The following CXCL13 variants were observed in gnomAD, a reference collection of about 807,000 sequenced individuals.
CXCL13 encodes C-X-C motif chemokine ligand 13.
A neutral mutation model predicts 12.2 loss-of-function variants in CXCL13; 7 were observed. That is an observed-to-expected ratio of 0.57 (90% CI 0.33 to 1.07). CXCL13 has a LOEUF of 1.07. Among genes scored for constraint, CXCL13 ranks in the 50% least tolerant of loss-of-function variants. The pLI, the probability that CXCL13 is intolerant of heterozygous loss-of-function variation, is 0.04. For missense variants in CXCL13, 113 were observed against 127.4 expected, an observed-to-expected ratio of 0.89 and a Z score of 0.55; for synonymous variants, 47 against 42.4, an observed-to-expected ratio of 1.11 and a Z score of -0.42.
intron 1 of CXCL13, among the ~76,000 whole-genome samples, chr4:77,545,140 G>A (rs1725322422): frequency 6.6e-6 from 1 of 152,092 alleles, no homozygotes; most frequent in South Asian, 2.1e-4. Context: ...TGCTGTTTTG[G>A]TTACTGTAGC....
At chr4:77,575,367 T>C (rs1284864510) in intron 1 of CXCL13, among the ~76,000 whole-genome samples, 1 of 151,864 alleles carries the variant, frequency 6.6e-6, no homozygotes, top group Non-Finnish European at 1.5e-5. Context: ...GCTACATAGG[T>C]ATCTATCCCA....
At chr4:77,534,557 T>C (rs1159580442) in intron 1 of CXCL13, among the ~76,000 whole-genome samples, 4 of 152,270 alleles carry the variant, frequency 2.6e-5, no homozygotes, top group Non-Finnish European at 5.9e-5. Flanking sequence ...ATGAGATCTC[T>C]TAATACTTTC....
At chr4:77,577,722 G>GA (rs756645715) in intron 1 of CXCL13, among the ~76,000 whole-genome samples, 1 of 152,240 alleles carries the variant, frequency 6.6e-6, no homozygotes, top group Non-Finnish European at 1.5e-5. Flanking sequence ...GGGACTCAGG[G>GA]ATATAAGAAC....
At chr4:77,527,661 A>G (rs1226946597) in intron 1 of CXCL13, among the ~76,000 whole-genome samples, 1 of 151,946 alleles carries the variant, frequency 6.6e-6, no homozygotes, top group African/African-American at 2.4e-5. Flanking sequence ...AAAGAAAAGA[A>G]ATGATAGACA....
At chr4:77,537,485 A>G (rs924695441) in intron 1 of CXCL13, among the ~76,000 whole-genome samples, 6 of 152,250 alleles carry the variant, frequency 3.9e-5, no homozygotes, top group Non-Finnish European at 7.3e-5. Flanking sequence ...CAGGGTACAG[A>G]GCAAAGCAGA....
chr4:77,513,550 C>T (rs1414712410), intron 1 of CXCL13, among the ~76,000 whole-genome samples: 1 of 151,954 alleles, frequency 6.6e-6, no homozygotes, highest in African/African-American at 2.4e-5. Flanking sequence ...CTCCTGGGTT[C>T]ACAGGATTCT....
At chr4:77,517,447 T>G (rs1237189797) in intron 1 of CXCL13, among the ~76,000 whole-genome samples, 1 of 152,162 alleles carries the variant, frequency 6.6e-6, no homozygotes, top group African/African-American at 2.4e-5. Context: ...AGTCTAAGTC[T>G]CTTTGTAGGT....
chr4:77,537,265 C>T (rs1725082015), intron 1 of CXCL13, among the ~76,000 whole-genome samples: 1 of 152,154 alleles, frequency 6.6e-6, no homozygotes, highest in Admixed American at 6.5e-5. Context: ...ATTGGCTAAA[C>T]CTGGAGGGAA....
intron 1 of CXCL13, among the ~76,000 whole-genome samples, chr4:77,544,987 C>T (rs1314077634): frequency 6.6e-6 from 1 of 152,110 alleles, no homozygotes; most frequent in Non-Finnish European, 1.5e-5. Flanking sequence ...TTTCCAGCAC[C>T]ATTTATTAAA....
chr4:77,610,554 TA>T, intron 2 of CXCL13, 59 bp from the exon 3 acceptor site: 3 of 1,277,450 alleles, frequency 2.3e-6, no homozygotes, highest in Non-Finnish European at 3.4e-6. Flanking sequence ...TTTTCTTTAT[TA>T]AAAGTATAGG....
chr4:77,604,392 C>T (rs1726955763), upstream of CXCL13, among the ~76,000 whole-genome samples: 1 of 152,156 alleles, frequency 6.6e-6, no homozygotes, highest in South Asian at 2.1e-4. Flanking sequence ...TTCTTTTACT[C>T]CAATGTCCAT....
At chr4:77,584,569 A>C (rs1407894169) in intron 1 of CXCL13, among the ~76,000 whole-genome samples, 5 of 152,250 alleles carry the variant, frequency 3.3e-5, no homozygotes, top group Non-Finnish European at 7.3e-5. Flanking sequence ...TCCTTAGAAG[A>C]GACATTTTTA....
At chr4:77,549,326 C>T (rs1367159889) in intron 1 of CXCL13, among the ~76,000 whole-genome samples, 16 of 152,172 alleles carry the variant, frequency 1.1e-4, no homozygotes, top group Admixed American at 9.2e-4. Flanking sequence ...TCTTCTGAAG[C>T]CTAGTTCTGT....
chr4:77,519,173 C>T (rs1038354380), intron 1 of CXCL13, among the ~76,000 whole-genome samples: 1 of 152,188 alleles, frequency 6.6e-6, no homozygotes, highest in Admixed American at 6.5e-5. Flanking sequence ...AGAGGAGTAC[C>T]TGGCCATGTG....
At chr4:77,549,525 G>A (rs1470325877) in intron 1 of CXCL13, among the ~76,000 whole-genome samples, 2 of 152,144 alleles carry the variant, frequency 1.3e-5, no homozygotes, top group African/African-American at 2.4e-5. Context: ...GTTTTGGTGT[G>A]GATGTTCTTT....
At chr4:77,597,788 C>A (rs1370932881) in intron 1 of CXCL13, among the ~76,000 whole-genome samples, 1 of 152,142 alleles carries the variant, frequency 6.6e-6, no homozygotes, top group Non-Finnish European at 1.5e-5. Flanking sequence ...TCCAAAGCAC[C>A]AGCAGCACCA....
intron 1 of CXCL13, among the ~76,000 whole-genome samples, chr4:77,516,068 T>C (rs1724409749): frequency 6.6e-6 from 1 of 152,248 alleles, no homozygotes. Context: ...GAGATAATCA[T>C]GTGGTTTTCG....
intron 1 of CXCL13, among the ~76,000 whole-genome samples, chr4:77,539,802 G>A (rs1178562799): frequency 1.3e-5 from 2 of 152,124 alleles, no homozygotes; most frequent in Non-Finnish European, 2.9e-5. Context: ...CAGCGAGACA[G>A]TTAACAACCG....
At chr4:77,540,233 G>A (rs1009683186) in intron 1 of CXCL13, among the ~76,000 whole-genome samples, 1 of 152,128 alleles carries the variant, frequency 6.6e-6, no homozygotes, top group Non-Finnish European at 1.5e-5. Context: ...GTATTTACAA[G>A]AAATATGCCA....
Sources: gnomAD v4.1 joint callset for allele counts (sites outside exome capture counted in the v4.1 genomes callset) on GRCh38, gnomAD v4.1.1 for gene constraint, MANE v1.5 for transcripts, NCBI Gene and HGNC (gene_info 2026-07-23, HGNC 2026-07-21) for gene names.